The following TNFSF4 variants were observed in gnomAD, a reference collection of about 807,000 sequenced individuals.
TNFSF4 encodes TNF superfamily member 4.
In TNFSF4, 4 loss-of-function variants were observed where a neutral mutation model predicts 7.3. That is an observed-to-expected ratio of 0.55 (90% CI 0.27 to 1.25). TNFSF4 has a LOEUF of 1.25. Among genes scored for constraint, TNFSF4 ranks in the 50% most tolerant of loss-of-function variants. The pLI, the probability that TNFSF4 is intolerant of heterozygous loss-of-function variation, is 0.12. For synonymous variants in TNFSF4, 76 were observed against 83.7 expected, an observed-to-expected ratio of 0.91 and a Z score of 0.50; for missense variants, 181 against 208.8, an observed-to-expected ratio of 0.87 and a Z score of 0.82.
the TNFSF4 span, among the ~76,000 whole-genome samples, chr1:173,356,454 T>G: frequency 1.3e-5 from 2 of 152,232 alleles, no homozygotes; most frequent in African/African-American, 4.8e-5. Context: ...AGAAAAGTGC[T>G]CTTTCATTTT....
At chr1:173,306,018 A>G in the TNFSF4 span, among the ~76,000 whole-genome samples, 10 of 152,034 alleles carry the variant, frequency 6.6e-5, no homozygotes, top group South Asian at 1.9e-3. Flanking sequence ...AATCACTCTC[A>G]GATAATAAAA....
chr1:173,333,499 G>C, the TNFSF4 span, among the ~76,000 whole-genome samples: 8 of 152,122 alleles, frequency 5.3e-5, no homozygotes, highest in Non-Finnish European at 1.2e-4. Flanking sequence ...GGTCTTTGGA[G>C]GTGGGGCCTT....
the TNFSF4 span, among the ~76,000 whole-genome samples, chr1:173,397,526 G>A: frequency 6.6e-6 from 1 of 152,204 alleles, no homozygotes; most frequent in South Asian, 2.1e-4. Context: ...CAGGTGATCA[G>A]TGGAATTTAG....
chr1:173,374,290 C>A, the TNFSF4 span, among the ~76,000 whole-genome samples: 5 of 152,144 alleles, frequency 3.3e-5, no homozygotes. Flanking sequence ...GACAAGGGAA[C>A]AGAGTTGTTC....
At chr1:173,328,200 T>C in the TNFSF4 span, among the ~76,000 whole-genome samples, 2 of 152,008 alleles carry the variant, frequency 1.3e-5, no homozygotes, top group Non-Finnish European at 2.9e-5. Flanking sequence ...TCATGTCCTT[T>C]GTAGGGACAT....
the TNFSF4 span, among the ~76,000 whole-genome samples, chr1:173,249,530 C>T: frequency 6.6e-6 from 1 of 152,158 alleles, no homozygotes; most frequent in Non-Finnish European, 1.5e-5. Flanking sequence ...TTTAGCAGTG[C>T]CACACCCAGT....
chr1:173,228,519 G>A, the TNFSF4 span, among the ~76,000 whole-genome samples: 35 of 152,186 alleles, frequency 2.3e-4, no homozygotes, highest in East Asian at 2.9e-3. Context: ...AAATCAGAGC[G>A]CCTCTCCCCC....
At chr1:173,447,813 G>A in the TNFSF4 span, among the ~76,000 whole-genome samples, 1 of 151,860 alleles carries the variant, frequency 6.6e-6, no homozygotes, top group Admixed American at 6.6e-5. Flanking sequence ...AATTATCTAA[G>A]CACACCAATT....
At chr1:173,317,002 T>C in the TNFSF4 span, among the ~76,000 whole-genome samples, 1 of 152,220 alleles carries the variant, frequency 6.6e-6, no homozygotes. Flanking sequence ...ATAGTTTTAG[T>C]GACTTACATA....
chr1:173,351,834 GA>G, the TNFSF4 span: 11 of 609,636 alleles, frequency 1.8e-5, no homozygotes, highest in South Asian at 3.3e-5. Flanking sequence ...GGTGCAGCAG[GA>G]AAAGGCCAAT....
rs763265091 is a variant in TNFSF4 at position 173,188,617 on chromosome 1, T to C, written c.154-48A>G. The C allele has an allele frequency of 4.0e-6, 6 of 1,510,410 alleles. No individual in the cohort carries two copies. In the Admixed American group the frequency reaches 8.5e-5, roughly 21 times the overall value. The allele number at this position is 1,510,410 out of a possible 1,614,324, so 93.6% of individuals were successfully genotyped here. Reference sequence around the variant, plus strand: ...TTCTTAGGAAAAAAACATGAACAAATGAAATTCGCAAGTCATATTTAATGG... The same window carrying C: ...TTCTTAGGAAAAAAACATGAACAAACGAAATTCGCAAGTCATATTTAATGG... On this transcript the variant is annotated intron_variant, in intron 1 of 2. Transcript: ENST00000281834.
At chr1:173,365,525 G>A in the TNFSF4 span, among the ~76,000 whole-genome samples, 100 of 152,274 alleles carry the variant, frequency 6.6e-4, no homozygotes, top group African/African-American at 2.3e-3. Context: ...CAAGTTTCTT[G>A]TAGAGTGAGT....
the TNFSF4 span, among the ~76,000 whole-genome samples, chr1:173,415,055 A>C: frequency 6.7e-6 from 1 of 150,124 alleles, no homozygotes; most frequent in South Asian, 2.1e-4. Context: ...TTTTCCATCC[A>C]CTCCCCCAGC....
the TNFSF4 span, among the ~76,000 whole-genome samples, chr1:173,318,749 G>A: frequency 6.6e-6 from 1 of 152,150 alleles, no homozygotes; most frequent in Non-Finnish European, 1.5e-5. Context: ...AAAATGTTTT[G>A]TAATAGAGAA....
At chr1:173,286,713 T>A in the TNFSF4 span, among the ~76,000 whole-genome samples, 27 of 152,060 alleles carry the variant, frequency 1.8e-4, no homozygotes, top group Admixed American at 1.8e-3. Flanking sequence ...GGACATAAAA[T>A]GCACTAACCA....
chr1:173,212,240 C>T (rs938366037), upstream of TNFSF4, among the ~76,000 whole-genome samples: 6 of 152,110 alleles, frequency 3.9e-5, no homozygotes, highest in African/African-American at 1.4e-4. Flanking sequence ...CCAAACACTT[C>T]CCATTAGGCC....
the TNFSF4 span, among the ~76,000 whole-genome samples, chr1:173,227,798 A>T: frequency 6.6e-6 from 1 of 152,366 alleles, no homozygotes; most frequent in Admixed American, 6.5e-5. Flanking sequence ...TATCCCACGC[A>T]TGGCTTGGAG....
At chr1:173,372,781 C>T in the TNFSF4 span, among the ~76,000 whole-genome samples, 1 of 152,172 alleles carries the variant, frequency 6.6e-6, no homozygotes, top group Non-Finnish European at 1.5e-5. Flanking sequence ...GCCCTTAACC[C>T]TGCTACTTTT....
At chr1:173,364,225 G>GTGTATATA in the TNFSF4 span, among the ~76,000 whole-genome samples, 4 of 143,620 alleles carry the variant, frequency 2.8e-5, no homozygotes, top group East Asian at 2.0e-4. Flanking sequence ...AGAAGACTAG[G>GTGTATATA]TATATATATA....
Sources: gnomAD v4.1 joint callset for allele counts (sites outside exome capture counted in the v4.1 genomes callset) on GRCh38, gnomAD v4.1.1 for gene constraint, MANE v1.5 for transcripts, NCBI Gene and HGNC (gene_info 2026-07-23, HGNC 2026-07-21) for gene names.